The following TSHR variants were observed in gnomAD, a reference collection of about 807,000 sequenced individuals.
The protein encoded by TSHR is thyroid stimulating hormone receptor, also known as thyrotropin receptor.
In TSHR, 51 loss-of-function variants were observed where a neutral mutation model predicts 64.1. The ratio of observed to expected loss-of-function variants is 0.80; its 90% CI spans 0.64 to 1.01. The LOEUF (loss-of-function observed/expected upper bound fraction) is 1.01. TSHR is among the 50% of genes least tolerant of loss of function. The pLI, the probability that TSHR is intolerant of heterozygous loss-of-function variation, is 0.00. For synonymous variants in TSHR, 361 were observed against 361.9 expected (o/e 1.00, Z 0.03); for missense variants, 877 against 942.8 (o/e 0.93, Z 0.91).
chr14:80,970,741 C>T (rs1887549217), intron 1 of TSHR, among the ~76,000 whole-genome samples: 1 of 152,236 alleles, frequency 6.6e-6, no homozygotes, highest in Non-Finnish European at 1.5e-5. Flanking sequence ...CTGCCAAAAG[C>T]CAAGACGCCC....
chr14:80,960,639 A>T (rs1594890884), intron 1 of TSHR, among the ~76,000 whole-genome samples: 1 of 152,206 alleles, frequency 6.6e-6, no homozygotes, highest in African/African-American at 2.4e-5. Context: ...CTGTATACCT[A>T]TGTGTATATA....
At position 80,980,058 on chromosome 14, in the gene TSHR, A is replaced by G. The variant is rs184388971; in HGVS notation, c.170+24208A>G. Among the ~76,000 whole-genome samples, 269 of 152,204 alleles carry G rather than the reference A, an allele frequency of 1.8e-3. 1 individual carries two copies. The highest frequency in any genetic ancestry group is 6.3e-3 in the African/African-American group (263 of 41,522). ...TCTCTTTGCAGGCAGATCTTTTACT[A>G]GTTTCCCTCCACTTTAGTCACTTCT... is the stretch of plus-strand genomic sequence containing the variant. On this transcript the variant is annotated intron_variant, in intron 1 of 9. Transcript: ENST00000298171.
At chr14:81,092,728 G>A in intron 6 of TSHR, 120 bp downstream of exon 6, 1 of 906,408 alleles carries the variant, frequency 1.1e-6, no homozygotes, top group Non-Finnish European at 1.8e-6. Flanking sequence ...AGAGTACAAA[G>A]TGTTTTACAC....
chr14:80,999,708 T>C (rs758420301), intron 1 of TSHR, among the ~76,000 whole-genome samples: 1 of 152,170 alleles, frequency 6.6e-6, no homozygotes, highest in African/African-American at 2.4e-5. Flanking sequence ...ATATTGACTC[T>C]AAAATCAAGC....
chr14:81,047,429 C>A (rs1885219283), intron 1 of TSHR, among the ~76,000 whole-genome samples: 1 of 152,176 alleles, frequency 6.6e-6, no homozygotes, highest in Admixed American at 6.5e-5. Flanking sequence ...GAATGCCTAG[C>A]CCATTGCTCT....
chr14:81,135,992 G>A (rs920245567), intron 8 of TSHR, among the ~76,000 whole-genome samples: 2 of 152,216 alleles, frequency 1.3e-5, no homozygotes, highest in South Asian at 2.1e-4. Flanking sequence ...TACTTAGAAC[G>A]ATGACAAGTG....
chr14:81,072,324 T>C (rs1055426423), intron 3 of TSHR, among the ~76,000 whole-genome samples: 1 of 152,124 alleles, frequency 6.6e-6, no homozygotes, highest in African/African-American at 2.4e-5. Flanking sequence ...CAGTAGCTTT[T>C]TAAAAAAAGT....
intron 8 of TSHR, among the ~76,000 whole-genome samples, chr14:81,131,799 T>C (rs1041593737): frequency 6.6e-6 from 1 of 152,200 alleles, no homozygotes; most frequent in Admixed American, 6.5e-5. Flanking sequence ...TGTTCCCCTT[T>C]TCCCCATAGT....
At chr14:80,979,107 C>A (rs1888039825) in intron 1 of TSHR, among the ~76,000 whole-genome samples, 1 of 152,212 alleles carries the variant, frequency 6.6e-6, no homozygotes, top group African/African-American at 2.4e-5. Flanking sequence ...TGAATGGATC[C>A]ATCGGTTACC....
rs1334523618 is a variant in TSHR, at chr14:80,958,647, GA to G, written c.170+2801del. 3.9e-5 allele frequency among the ~76,000 whole-genome samples: 6 copies of G among 152,246 alleles called. No homozygotes were observed. The South Asian group carries it at 1.2e-3, about 32-fold the overall frequency. On this transcript the variant is annotated intron_variant, in intron 1 of 9. Transcript: ENST00000298171. ...AGACTAAGTTAGTCTTTCTTGACAA[GA>G]AAATCTAGATCTTTTTTTACATCTT... is the stretch of plus-strand genomic sequence containing the variant.
intron 8 of TSHR, among the ~76,000 whole-genome samples, chr14:81,115,921 A>G (rs916629496): frequency 6.6e-5 from 10 of 152,280 alleles, no homozygotes; most frequent in African/African-American, 2.4e-4. Context: ...TTTCATATCC[A>G]GCCAAACTAA....
chr14:80,988,938 C>G (rs1888601394), intron 1 of TSHR, among the ~76,000 whole-genome samples: 1 of 152,170 alleles, frequency 6.6e-6, no homozygotes, highest in Non-Finnish European at 1.5e-5. Context: ...ATGAGTCACT[C>G]ACAGAATATA....
chr14:81,043,275 C>G (rs933090755), intron 1 of TSHR, among the ~76,000 whole-genome samples: 1 of 152,142 alleles, frequency 6.6e-6, no homozygotes, highest in Non-Finnish European at 1.5e-5. Flanking sequence ...AAATCACTAG[C>G]ATTCCTGTAC....
At chr14:81,130,133 TA>T (rs1467420532) in intron 8 of TSHR, among the ~76,000 whole-genome samples, 2 of 152,254 alleles carry the variant, frequency 1.3e-5, no homozygotes, top group Non-Finnish European at 2.9e-5. Flanking sequence ...AGATGTTATT[TA>T]TTTTTAAAAG....
intron 1 of TSHR, among the ~76,000 whole-genome samples, chr14:80,980,598 T>C (rs1164337327): frequency 6.6e-6 from 1 of 152,256 alleles, no homozygotes; most frequent in East Asian, 1.9e-4. Flanking sequence ...AGTTTTCCTG[T>C]AATATGTGTA....
chr14:81,029,019 GTC>G (rs960507935), intron 1 of TSHR, among the ~76,000 whole-genome samples: 22 of 151,402 alleles, frequency 1.5e-4, no homozygotes, highest in African/African-American at 5.3e-4. Flanking sequence ...TTAACTTTAT[GTC>G]TCTAAATTTG....
At chr14:80,983,428 C>A in intron 1 of TSHR, 1 of 1,253,498 alleles carries the variant, frequency 8.0e-7, no homozygotes, top group Non-Finnish European at 1.1e-6. Context: ...CCAACTGCAG[C>A]CAGAGACATG....
chr14:81,143,118 G>C lies in TSHR; in HGVS notation c.1060G>C (p.Val354Leu), dbSNP rs200523471. 6.2e-7 allele frequency: 1 copy of C among 1,614,100 alleles called. No individual in the cohort carries two copies. Residue 354 changes from valine to leucine, a missense_variant, in exon 10 of 10, where the codon GTC becomes CTC. Physicochemically the swap from Val to Leu is conservative, Grantham distance 32. Transcript: ENST00000298171. ...QDTHNNAHYY[V>L]FFEEQEDEII... The stretch of plus-strand genomic sequence containing the variant: ...TACTCATAACAACGCTCATTATTAC[G>C]TCTTCTTTGAAGAACAAGAGGATGA...
At chr14:80,967,897 G>A (rs568273903) in intron 1 of TSHR, among the ~76,000 whole-genome samples, 1 of 152,270 alleles carries the variant, frequency 6.6e-6, no homozygotes, top group Admixed American at 6.5e-5. Flanking sequence ...AGAGTTTGCT[G>A]CTGCTAGAAA....
Sources: allele counts gnomAD v4.1 joint callset (sites outside exome capture counted in the v4.1 genomes callset), GRCh38; gene constraint gnomAD v4.1.1; transcripts MANE v1.5; gene names NCBI Gene and HGNC (gene_info 2026-07-23, HGNC 2026-07-21).